The following IL1R1 variants were observed in gnomAD, a reference collection of about 807,000 sequenced individuals.
The protein encoded by IL1R1 is interleukin 1 receptor type 1.
A neutral mutation model predicts 50.2 loss-of-function variants in IL1R1; 22 were observed. That is an observed-to-expected ratio of 0.44 (90% CI 0.31 to 0.63). IL1R1 has a LOEUF of 0.63. IL1R1 is among the 20% of genes least tolerant of loss of function. The pLI, the probability that IL1R1 is intolerant of heterozygous loss-of-function variation, is 0.07. For missense variants in IL1R1, 509 were observed against 676.2 expected, an observed-to-expected ratio of 0.75 and a Z score of 2.74; for synonymous variants, 251 against 236.7, an observed-to-expected ratio of 1.06 and a Z score of -0.55.
At chr2:102,172,133 C>A in intron 8 of IL1R1, 1 of 322,774 alleles carries the variant, frequency 3.1e-6, no homozygotes, top group Non-Finnish European at 4.3e-6. Context: ...AAATTACAGA[C>A]CACTTAGAAG....
At chr2:102,104,069 C>T (rs1185713087), upstream of IL1R1, among the ~76,000 whole-genome samples, 1 of 151,530 alleles carries the variant, frequency 6.6e-6, no homozygotes, top group Non-Finnish European at 1.5e-5. Context: ...TTGTGGAAGC[C>T]AGAGGCTCCA....
At chr2:102,133,735 T>A (rs941129424) in intron 1 of IL1R1, among the ~76,000 whole-genome samples, 1 of 152,194 alleles carries the variant, frequency 6.6e-6, no homozygotes. Flanking sequence ...TGAAAACTCT[T>A]AGCAAACTGA....
chr2:102,158,824 G>A (rs779261460), intron 3 of IL1R1, among the ~76,000 whole-genome samples: 18 of 152,136 alleles, frequency 1.2e-4, no homozygotes, highest in Admixed American at 6.5e-4. Flanking sequence ...GAATAGATCC[G>A]AGGGAGCCAA....
In IL1R1 at chr2:102,174,626, C is replaced by A; in HGVS notation, c.1031C>A (p.Thr344Lys). 6.2e-7 allele frequency: 1 copy of A among 1,609,774 alleles called. No individual in the cohort carries two copies. The highest frequency in any genetic ancestry group is 8.5e-7 in the Non-Finnish European group (1 of 1,178,244). Residue 344 changes from threonine (T) to lysine (K), a missense_variant, in exon 10 of 12, where the codon ACG becomes AAG. By Grantham distance (78) the Thr-to-Lys change is moderately conservative. Transcript: ENST00000410023. ...FQKHMIGICV[T>K]LTVIIVCSVF... ...AAGCACATGATTGGTATATGTGTCACGTTGACAGTCATAATTGTGTGTTCT... is the reference window on the plus strand; with the variant it reads ...AAGCACATGATTGGTATATGTGTCAAGTTGACAGTCATAATTGTGTGTTCT...
chr2:102,166,165 G>C lies in IL1R1; in HGVS notation c.539G>C (p.Arg180Thr). 6.2e-7 allele frequency: 1 copy of C among 1,613,802 alleles called. No homozygotes were observed. The highest frequency in any genetic ancestry group is 8.5e-7 in the Non-Finnish European group (1 of 1,179,818). Residue 180 changes from arginine (R) to threonine (T), a missense_variant, in exon 6 of 12, where the codon AGG becomes ACG. Coordinates refer to ENST00000410023, the MANE Select transcript of IL1R1 (RefSeq NM_000877.4). ...ATACACTTTAGTGGAGTCAAAGATA[G>C]GCTCATCGTGATGAATGTGGCTGAA... Reference protein sequence around the residue: ...DNIHFSGVKDRLIVMNVAEKH... With the variant: ...DNIHFSGVKDTLIVMNVAEKH...
chr2:102,136,912 A>G (rs1470356308), intron 1 of IL1R1, among the ~76,000 whole-genome samples: 6 of 152,178 alleles, frequency 3.9e-5, no homozygotes, highest in Admixed American at 6.5e-5. Flanking sequence ...CTTACCTCTC[A>G]TGGGCTCTGT....
intron 2 of IL1R1, among the ~76,000 whole-genome samples, chr2:102,156,473 T>G (rs1367654332): frequency 2.0e-5 from 3 of 152,176 alleles, no homozygotes; most frequent in African/African-American, 7.2e-5. Context: ...TTTTCCTGTA[T>G]TTGTTTAAAA....
chr2:102,127,342 TA>T (rs1681772294), intron 1 of IL1R1, among the ~76,000 whole-genome samples: 2 of 152,142 alleles, frequency 1.3e-5, no homozygotes, highest in African/African-American at 4.8e-5. Flanking sequence ...GAAGAGAAAA[TA>T]TTATTAAATG....
intron 1 of IL1R1, among the ~76,000 whole-genome samples, chr2:102,098,575 A>C (rs1680002504): frequency 6.6e-6 from 1 of 152,204 alleles, no homozygotes; most frequent in African/African-American, 2.4e-5. Context: ...GTTGTGTTTC[A>C]TCAAATCCCT....
intron 3 of IL1R1, among the ~76,000 whole-genome samples, chr2:102,162,637 C>T (rs994704531): frequency 3.9e-5 from 6 of 152,028 alleles, no homozygotes; most frequent in Non-Finnish European, 5.9e-5. Context: ...TGTCTGCCTT[C>T]AGGTAACACT....
chr2:102,155,542 A>G (rs1489796728), intron 2 of IL1R1, among the ~76,000 whole-genome samples: 1 of 151,884 alleles, frequency 6.6e-6, no homozygotes, highest in Non-Finnish European at 1.5e-5. Context: ...TTCCCTTCTG[A>G]TGTCCTCACT....
intron 1 of IL1R1, among the ~76,000 whole-genome samples, chr2:102,125,737 T>C (rs111384436): frequency 7.2e-5 from 11 of 152,142 alleles, no homozygotes; most frequent in Admixed American, 3.3e-4. Flanking sequence ...AAGGTCTAAT[T>C]AGTTGTCTGT....
intron 1 of IL1R1, among the ~76,000 whole-genome samples, chr2:102,097,825 G>A (rs1047950078): frequency 1.1e-4 from 17 of 151,980 alleles, no homozygotes; most frequent in African/African-American, 3.6e-4. Flanking sequence ...AATGATATTT[G>A]AGTGAGTTCT....
chr2:102,077,882 C>T (rs893313959), intron 1 of IL1R1, among the ~76,000 whole-genome samples: 11 of 152,020 alleles, frequency 7.2e-5, no homozygotes, highest in Admixed American at 5.9e-4. Flanking sequence ...ATTCTCTGAT[C>T]ACAACGAAAT....
chr2:102,158,744 G>A, intron 3 of IL1R1, among the ~76,000 whole-genome samples: 1 of 152,142 alleles, frequency 6.6e-6, no homozygotes, highest in East Asian at 1.9e-4. Flanking sequence ...TGGCTGGGAT[G>A]GGAAGACTTC....
rs1405372572 is a variant in IL1R1 at position 102,176,394 on chromosome 2, A to G, written c.1345A>G (p.Arg449Gly). Reference protein sequence around the residue: ...VINENVKKSRRLIIILVRETS... With the variant: ...VINENVKKSRGLIIILVRETS... ...TAATGAAAACGTAAAGAAAAGCAGA[A>G]GACTGATTATCATTTTAGTCAGAGA... is the stretch of plus-strand genomic sequence containing the variant. The change falls in exon 12 of 12, where the codon AGA (arginine) becomes GGA (glycine). Residue 449 changes from arginine (R) to glycine (G), a missense_variant. Transcript: ENST00000410023. 5 of 1,614,194 alleles carry G rather than the reference A, an allele frequency of 3.1e-6. No homozygotes were observed. The highest frequency in any genetic ancestry group is 4.2e-6 in the Non-Finnish European group (5 of 1,180,012).
chr2:102,128,190 T>G, intron 1 of IL1R1, among the ~76,000 whole-genome samples: 1 of 152,206 alleles, frequency 6.6e-6, no homozygotes. Flanking sequence ...TCGTATATAC[T>G]CTGTTAGCCA....
intron 1 of IL1R1, among the ~76,000 whole-genome samples, chr2:102,107,427 G>T (rs1016438046): frequency 1.3e-5 from 2 of 151,864 alleles, no homozygotes; most frequent in South Asian, 2.1e-4. Context: ...TCACTCGTAG[G>T]TGGGAATTGA....
chr2:102,155,201 A>G (rs1184428734), intron 2 of IL1R1, among the ~76,000 whole-genome samples: 2 of 152,260 alleles, frequency 1.3e-5, no homozygotes, highest in Non-Finnish European at 2.9e-5. Context: ...GGTTTCCAAC[A>G]GCTAACATTT....
Sources: allele counts gnomAD v4.1 joint callset (sites outside exome capture counted in the v4.1 genomes callset), GRCh38; gene constraint gnomAD v4.1.1; transcripts MANE v1.5; gene names NCBI Gene and HGNC (gene_info 2026-07-23, HGNC 2026-07-21).